Variants in SRFBP1 observed in about 807,000 individuals in gnomAD.
SRFBP1 encodes serum response factor-binding protein 1.
A neutral mutation model predicts 45.5 loss-of-function variants in SRFBP1; 47 were observed. The observed-to-expected ratio is 1.03, with a 90% CI of 0.82 to 1.32. The LOEUF (loss-of-function observed/expected upper bound fraction) is 1.32. Ranked by LOEUF, SRFBP1 falls within the 40% of genes most tolerant of loss-of-function variation. The pLI, the probability that SRFBP1 is intolerant of heterozygous loss-of-function variation, is 0.00. For synonymous variants in SRFBP1, 203 were observed against 166.3 expected, an observed-to-expected ratio of 1.22 and a Z score of -1.70; for missense variants, 621 against 484.6, an observed-to-expected ratio of 1.28 and a Z score of -2.64.
At chr5:122,024,202 T>C (rs1398785615) in intron 7 of SRFBP1, among the ~76,000 whole-genome samples, 1 of 152,252 alleles carries the variant, frequency 6.6e-6, no homozygotes, top group Non-Finnish European at 1.5e-5. Context: ...CAGTTACCTT[T>C]GTACAGCAAA....
chr5:122,052,979 C>T (rs1754015915), intron 2 of SRFBP1, among the ~76,000 whole-genome samples: 1 of 151,738 alleles, frequency 6.6e-6, no homozygotes, highest in Admixed American at 6.6e-5. Context: ...GTTTGGCTGG[C>T]TTGCTTTGAT....
chr5:122,024,473 C>T (rs1442216190), intron 7 of SRFBP1, among the ~76,000 whole-genome samples: 1 of 152,162 alleles, frequency 6.6e-6, no homozygotes, highest in African/African-American at 2.4e-5. Flanking sequence ...GAATTTTATT[C>T]TGTCTTGTGC....
downstream of SRFBP1, chr5:122,077,568 A>G (rs1754674990): frequency 1.9e-6 from 3 of 1,612,830 alleles, no homozygotes; most frequent in African/African-American, 1.3e-5. This position sits in a 1 kb window ranked among gnomAD's most constrained non-coding sequence, Gnocchi z 4.9. Flanking sequence ...TCCGCGCGCG[A>G]GGCGCCAGCT....
downstream of SRFBP1, chr5:122,077,622 G>C (rs566461481): frequency 4.3e-6 from 7 of 1,611,692 alleles, no homozygotes; most frequent in African/African-American, 1.3e-5. This position sits in a 1 kb window ranked among gnomAD's most constrained non-coding sequence, Gnocchi z 4.9. Flanking sequence ...AACCAGTGAC[G>C]GGCGGTGGGC....
chr5:122,055,246 C>G (rs1378421730), intron 2 of SRFBP1, among the ~76,000 whole-genome samples: 2 of 152,114 alleles, frequency 1.3e-5, no homozygotes, highest in Non-Finnish European at 2.9e-5. Flanking sequence ...TCCCTTGGAC[C>G]TCATTTATAA....
chr5:121,980,456 A>C (rs530178390), intron 3 of SRFBP1, among the ~76,000 whole-genome samples: 1 of 152,264 alleles, frequency 6.6e-6, no homozygotes, highest in Non-Finnish European at 1.5e-5. Context: ...CCCAGCGATT[A>C]ATGTTCTGTG....
intron 3 of SRFBP1, among the ~76,000 whole-genome samples, chr5:121,992,626 G>GGC (rs1752641916): frequency 2.0e-5 from 3 of 152,036 alleles, no homozygotes; most frequent in African/African-American, 7.2e-5. Context: ...CACACAATGT[G>GGC]TAATTAATCG....
intron 4 of SRFBP1, among the ~76,000 whole-genome samples, chr5:122,012,874 C>T (rs989183795): frequency 6.6e-6 from 1 of 152,052 alleles, no homozygotes; most frequent in African/African-American, 2.4e-5. Flanking sequence ...GTAATATCCT[C>T]ATTATCAGTT....
At chr5:122,028,812 A>G (rs768939341), downstream of SRFBP1, among the ~76,000 whole-genome samples, 2 of 152,210 alleles carry the variant, frequency 1.3e-5, no homozygotes, top group African/African-American at 4.8e-5. Context: ...AGTTGGGGTC[A>G]CTATCCTCCA....
chr5:121,962,137 T>C, intron 1 of SRFBP1, 69 bp downstream of exon 1: 1 of 1,596,178 alleles, frequency 6.3e-7, no homozygotes, highest in South Asian at 1.1e-5. Context: ...AGACGCGTGG[T>C]CGGAGGCGGG....
Position 122,020,539 on chromosome 5 carries a change from G to T in SRFBP1, c.804G>T (p.Arg268Ser), listed in dbSNP as rs778526853. ...KEYFDDSTEERFYKQSSMSED... is the reference protein window; with the variant it reads ...KEYFDDSTEESFYKQSSMSED... ...ATTTTGATGATAGCACAGAAGAAAG[G>T]TTTTACAAGCAGTCTTCCATGTCTG... Residue 268 changes from arginine to serine, a missense_variant, in exon 6 of 8, where the codon AGG becomes AGT. Arg to Ser is a moderately radical substitution (Grantham distance 110, BLOSUM62 -1). Transcript: ENST00000339397. 1 of 1,614,154 alleles carries T rather than the reference G, an allele frequency of 6.2e-7. No individual in the cohort carries two copies. Among genetic ancestry groups the T allele is most frequent in the Non-Finnish European group, 8.5e-7 (1 of 1,180,008 alleles).
At chr5:121,962,091 G>C in intron 1 of SRFBP1, 23 bp downstream of exon 1, 1 of 1,613,822 alleles carries the variant, frequency 6.2e-7, no homozygotes, top group Non-Finnish European at 8.5e-7. Context: ...GAACCTATGG[G>C]GCTGACTTTA....
At chr5:122,065,980 C>A (rs532962477) in intron 2 of SRFBP1, 1 of 152,198 alleles carries the variant, frequency 6.6e-6, no homozygotes, top group Non-Finnish European at 1.5e-5. Context: ...CTTACAACAT[C>A]TCTGCCCATG....
intron 2 of SRFBP1, among the ~76,000 whole-genome samples, chr5:122,042,144 ATTAAG>A (rs755981844): frequency 1.1e-4 from 17 of 152,188 alleles, no homozygotes; most frequent in African/African-American, 2.7e-4. Context: ...TTTTTTCTGT[ATTAAG>A]TTATCTGTTT....
chr5:122,040,112 G>T (rs1753750524), intron 2 of SRFBP1, among the ~76,000 whole-genome samples: 1 of 151,768 alleles, frequency 6.6e-6, no homozygotes, highest in African/African-American at 2.4e-5. Context: ...ATCAATTTGT[G>T]AAATTTTATT....
intron 2 of SRFBP1, among the ~76,000 whole-genome samples, chr5:122,040,588 A>G (rs940797600): frequency 5.3e-5 from 8 of 152,164 alleles, no homozygotes; most frequent in African/African-American, 1.4e-4. Flanking sequence ...CTCTATCTGG[A>G]CAGAAGTTCA....
Position 122,022,390 on chromosome 5 carries a change from C to T in SRFBP1, c.1088C>T (p.Pro363Leu), listed in dbSNP as rs948051945. The change falls in exon 7 of 8, where the codon CCA (proline) becomes CTA (leucine). Residue 363 changes from proline to leucine, a missense_variant. Physicochemically the swap from Pro to Leu is moderately conservative, Grantham distance 98. Coordinates refer to ENST00000339397, the MANE Select transcript of SRFBP1 (RefSeq NM_152546.3). ...TTTAGAAATTTCAAAGAACAGGCTCCAAAAACAAGATCCCTAGGTATGTAT... is the reference window on the plus strand; with the variant it reads ...TTTAGAAATTTCAAAGAACAGGCTCTAAAAACAAGATCCCTAGGTATGTAT... Reference protein sequence around the residue: ...SSRRNFKEQAPKTRSLDFPQN... With the variant: ...SSRRNFKEQALKTRSLDFPQN... 6.2e-7 allele frequency: 1 copy of T among 1,611,322 alleles called. No individual in the cohort carries two copies. The highest frequency in any genetic ancestry group is 1.1e-5 in the South Asian group (1 of 90,466).
rs185754697 is a variant in SRFBP1, at chr5:122,042,133, A to G, written n.311+19726A>G. On this transcript the variant is annotated intron_variant and non_coding_transcript_variant, in intron 2 of 2. Transcript: ENST00000504881. ...GTGCCTAGTGCATTTTGACAACTCT[A>G]TTTTTTCTGTATTAAGTTATCTGTT... Among the ~76,000 whole-genome samples the G allele has an allele frequency of 5.1e-3, 769 of 151,654 alleles. 10 individuals are homozygous for G. Among genetic ancestry groups the G allele is most frequent in the African/African-American group, 0.017 (722 of 41,308 alleles).
chr5:122,072,916 G>GCA (rs1754492284), intron 2 of SRFBP1, among the ~76,000 whole-genome samples: 1 of 152,192 alleles, frequency 6.6e-6, no homozygotes, highest in East Asian at 1.9e-4. Context: ...CACAGGACTT[G>GCA]CAGATCACTG....
Sources: gnomAD v4.1 joint callset for allele counts (sites outside exome capture counted in the v4.1 genomes callset) on GRCh38, gnomAD v4.1.1 for gene constraint, Gnocchi (gnomAD v3.1) non-coding constraint, MANE v1.5 for transcripts, NCBI Gene and HGNC (gene_info 2026-07-23, HGNC 2026-07-21) for gene names.